The following USH2A variants were observed in gnomAD, a reference collection of about 807,000 sequenced individuals.
USH2A encodes Usher syndrome 2A (autosomal recessive, mild).
USH2A carries 443 observed loss-of-function variants against 538.9 expected under a neutral mutation model. The observed-to-expected ratio is 0.82, with a 90% CI of 0.76 to 0.89. The LOEUF is 0.89. Ranked by LOEUF, USH2A falls within the 40% of genes least tolerant of loss-of-function variation. USH2A has a pLI of 0.00. For missense variants in USH2A, 6,633 were observed against 6,324.8 expected (o/e 1.05, Z -1.65); for synonymous variants, 2,413 against 2,273.5 (o/e 1.06, Z -1.75).
In USH2A at chr1:215,782,215, TG is replaced by T; in HGVS notation, c.10586-20del. ...ATAGGACCTAAAAGAAGCAGAAAAA[TG>T]ACTGCATTTGAATGTGATATCATTT... On this transcript the variant is annotated intron_variant, in intron 53 of 71. Transcript: ENST00000307340. 1 of 1,612,644 alleles carries T rather than the reference TG, an allele frequency of 6.2e-7. No homozygotes were observed. The highest frequency in any genetic ancestry group is 8.5e-7 in the Non-Finnish European group (1 of 1,179,154).
At chr1:216,181,070 A>G (rs934536074) in intron 20 of USH2A, among the ~76,000 whole-genome samples, 16 of 152,118 alleles carry the variant, frequency 1.1e-4, no homozygotes, top group African/African-American at 3.9e-4. Flanking sequence ...GGGAAGAAAG[A>G]ATAAAATATA....
chr1:216,272,706 G>C (rs1168067323), intron 11 of USH2A, among the ~76,000 whole-genome samples: 1 of 152,072 alleles, frequency 6.6e-6, no homozygotes, highest in Non-Finnish European at 1.5e-5. Flanking sequence ...GGGGTGGGCA[G>C]AGGAAAAATT....
Position 215,909,263 on chromosome 1 carries a change from T to A in USH2A, c.7301-8358A>T, listed in dbSNP as rs184884309. On this transcript the variant is annotated intron_variant, in intron 38 of 71. Transcript: ENST00000307340. ...GCAAAACTATAGAGACGATAAAAAG[T>A]GATCAGAGTTTGCCAGGGGTTGGGG... 1.9e-3 allele frequency among the ~76,000 whole-genome samples: 288 copies of A among 151,654 alleles called. 3 individuals are homozygous for A. Among genetic ancestry groups the A allele is most frequent in the African/African-American group, 5.7e-3 (238 of 41,410 alleles).
chr1:216,147,810 G>A (rs1277785225), intron 21 of USH2A, among the ~76,000 whole-genome samples: 1 of 151,468 alleles, frequency 6.6e-6, no homozygotes, highest in Admixed American at 6.6e-5. Flanking sequence ...TCCTCCCCCA[G>A]GAGCTTGCTA....
At chr1:216,054,485 C>A (rs1003710943) in intron 30 of USH2A, among the ~76,000 whole-genome samples, 6 of 152,162 alleles carry the variant, frequency 3.9e-5, no homozygotes, top group African/African-American at 1.4e-4. Flanking sequence ...AGTCTGCTTT[C>A]ACGTTGAAAT....
At chr1:216,028,487 C>T (rs990748345) in intron 32 of USH2A, among the ~76,000 whole-genome samples, 2 of 151,826 alleles carry the variant, frequency 1.3e-5, no homozygotes, top group African/African-American at 4.8e-5. Context: ...CAAAGAAAAT[C>T]TCAGGAAATA....
intron 3 of USH2A, among the ~76,000 whole-genome samples, chr1:216,398,732 C>T (rs919179676): frequency 6.6e-6 from 1 of 152,138 alleles, no homozygotes; most frequent in African/African-American, 2.4e-5. Context: ...ACCTTCTATT[C>T]CCACTGGCAG....
At position 216,046,503 on chromosome 1, in the gene USH2A, T is replaced by C. The variant is rs772409181; in HGVS notation, c.6253A>G (p.Ile2085Val). The change falls in exon 32 of 72, where the codon ATA (isoleucine) becomes GTA (valine). Residue 2085 changes from isoleucine (I) to valine (V), a missense_variant. By Grantham distance (29) the Ile-to-Val change is conservative. Coordinates refer to ENST00000307340, the MANE Select transcript of USH2A (RefSeq NM_206933.4). ...WNPPKKANGI[I>V]TQYCLYMDGR... is the part of the protein sequence containing the mutation. ...TCCATGTATAAACAGTACTGAGTTATAATACCATTTGCCTTTTTGGGTGGG... is the reference window on the plus strand; with the variant it reads ...TCCATGTATAAACAGTACTGAGTTACAATACCATTTGCCTTTTTGGGTGGG... 2.5e-5 allele frequency: 40 copies of C among 1,613,800 alleles called. No homozygotes were observed. The highest frequency in any genetic ancestry group is 3.3e-5 in the Non-Finnish European group (39 of 1,179,836).
chr1:216,245,822 A>G (rs752064038), intron 13 of USH2A, among the ~76,000 whole-genome samples: 19 of 152,256 alleles, frequency 1.2e-4, no homozygotes, highest in Non-Finnish European at 2.4e-4. Flanking sequence ...AGCAAATCAC[A>G]CTTTTGAGTT....
intron 46 of USH2A, among the ~76,000 whole-genome samples, chr1:215,841,015 A>G (rs1385657024): frequency 1.3e-5 from 2 of 152,186 alleles, no homozygotes; most frequent in African/African-American, 2.4e-5. Flanking sequence ...ATGGTGTGCA[A>G]TGAAAACAAA....
At chr1:216,173,879 T>G in intron 21 of USH2A, 1 of 839,610 alleles carries the variant, frequency 1.2e-6, no homozygotes, top group Non-Finnish European at 1.4e-6. Context: ...GTAGTTTCCA[T>G]TTTCATTTGA....
At chr1:215,676,853 T>C (rs958694509) in intron 62 of USH2A, among the ~76,000 whole-genome samples, 1 of 152,182 alleles carries the variant, frequency 6.6e-6, no homozygotes, top group African/African-American at 2.4e-5. Context: ...TAGCTGTCCC[T>C]CTATACTCAA....
chr1:216,226,420 A>T (rs1178904951), intron 14 of USH2A, among the ~76,000 whole-genome samples: 4 of 152,160 alleles, frequency 2.6e-5, no homozygotes, highest in African/African-American at 4.8e-5. Flanking sequence ...CCTTTCATCA[A>T]GCTAGGACAT....
intron 13 of USH2A, among the ~76,000 whole-genome samples, chr1:216,243,943 C>T (rs895382498): frequency 6.6e-6 from 1 of 152,068 alleles, no homozygotes; most frequent in African/African-American, 2.4e-5. Flanking sequence ...GAACATAAAC[C>T]TCTCTTCAAG....
At chr1:215,777,176 C>T (rs922938131) in intron 55 of USH2A, among the ~76,000 whole-genome samples, 3 of 151,868 alleles carry the variant, frequency 2.0e-5, no homozygotes, top group African/African-American at 7.3e-5. Context: ...AATATTTATG[C>T]TAATAATAGG....
intron 49 of USH2A, among the ~76,000 whole-genome samples, chr1:215,804,522 T>C (rs181909228): frequency 0.54 from 75,095 of 139,096 alleles, 21,982 homozygotes; most frequent in Admixed American, 0.63. Context: ...AGACAAAAGA[T>C]ACATGAAAAA....
intron 30 of USH2A, among the ~76,000 whole-genome samples, chr1:216,054,246 G>A (rs7531600): frequency 0.071 from 10,796 of 152,176 alleles, 823 homozygotes; most frequent in African/African-American, 0.19. Context: ...CCCTTCCAGG[G>A]AACAAGCAAA....
In USH2A at chr1:215,791,054, A is replaced by G. The variant is rs576988701; in HGVS notation, c.9959-772T>C. On this transcript the variant is annotated intron_variant, in intron 50 of 71. Coordinates refer to ENST00000307340, the MANE Select transcript of USH2A (RefSeq NM_206933.4). ...CACACGTACCTGAGATACCAAATAG[A>G]CATTTTCTCCCACCAAATTTAGTTT... Among the ~76,000 whole-genome samples, 5 of 152,330 alleles carry G rather than the reference A, an allele frequency of 3.3e-5. No individual in the cohort carries two copies. The East Asian group carries it at 9.7e-4, about 29-fold the overall frequency.
At chr1:215,630,917 A>T (rs1248728617) in intron 70 of USH2A, among the ~76,000 whole-genome samples, 2 of 152,082 alleles carry the variant, frequency 1.3e-5, no homozygotes, top group East Asian at 3.9e-4. Context: ...GTCTAAGGTA[A>T]GTACCACTGC....
Sources: gnomAD v4.1 joint callset for allele counts (sites outside exome capture counted in the v4.1 genomes callset) on GRCh38, gnomAD v4.1.1 for gene constraint, MANE v1.5 for transcripts, NCBI Gene and HGNC (gene_info 2026-07-23, HGNC 2026-07-21) for gene names.